PRXL2A: variants seen among roughly 807,000 people sequenced by gnomAD.
The protein encoded by PRXL2A is peroxiredoxin-like 2A.
In PRXL2A, 26 loss-of-function variants were observed where a neutral mutation model predicts 25.6. The ratio of observed to expected loss-of-function variants is 1.02; its 90% confidence interval spans 0.74 to 1.41. The LOEUF is 1.41. PRXL2A is among the 40% of genes most tolerant of loss of function. The pLI, the probability that PRXL2A is intolerant of heterozygous loss-of-function variation, is 0.00. For synonymous variants in PRXL2A, 98 were observed against 102.9 expected, an observed-to-expected ratio of 0.95 and a Z score of 0.29; for missense variants, 246 against 273.9, an observed-to-expected ratio of 0.90 and a Z score of 0.72.
At chr10:80,409,117 G>C (rs903646963) in intron 1 of PRXL2A, 1 of 977,632 alleles carries the variant, frequency 1.0e-6, no homozygotes, top group African/African-American at 1.8e-5. Context: ...GCTTAGGGTC[G>C]TGTCTTTTAA....
rs1369229047 is a variant in PRXL2A at position 80,434,699 on chromosome 10, G to A, written c.*2600G>A. The A allele has an allele frequency of 6.6e-6, 1 of 151,982 alleles. No homozygotes were observed. The highest frequency in any genetic ancestry group is 2.4e-5 in the African/African-American group (1 of 41,370). 9.4% of individuals were successfully genotyped at this position (151,982 alleles called of 1,614,324 possible). Reference sequence around the variant, plus strand: ...GTAAGGAGATTGGTCAATGTGATTCGGCTATCTGTGTCTACTAACTCTCAA... The same window carrying A: ...GTAAGGAGATTGGTCAATGTGATTCAGCTATCTGTGTCTACTAACTCTCAA... On this transcript the variant is annotated 3_prime_UTR_variant, in exon 6 of 6. Coordinates refer to ENST00000606162, the MANE Select transcript of PRXL2A (RefSeq NM_032333.5).
chr10:80,418,134 A>G (rs772502775), intron 1 of PRXL2A, among the ~76,000 whole-genome samples: 2 of 151,896 alleles, frequency 1.3e-5, no homozygotes, highest in African/African-American at 2.4e-5. Context: ...CCGTTATCCA[A>G]TAGTGACCCT....
In PRXL2A at chr10:80,431,986, G is replaced by A; in HGVS notation, c.577G>A (p.Gly193Ser). ...GVFVVGSGKQ[G>S]ILLEHREKEF... is the part of the protein sequence containing the mutation. The stretch of plus-strand genomic sequence containing the variant: ...GACATTATCTCTTGTTTCCTTTTAG[G>A]GCATTCTTCTTGAGCACCGAGAAAA... Residue 193 changes from glycine (G) to serine (S), a missense_variant and splice_region_variant, in exon 6 of 6, where the codon GGC becomes AGC. By Grantham distance (56) the Gly-to-Ser change is moderately conservative. Transcript: ENST00000606162. 6.2e-7 allele frequency: 1 copy of A among 1,603,094 alleles called. No individual in the cohort carries two copies. Among genetic ancestry groups the A allele is most frequent in the South Asian group, 1.1e-5 (1 of 90,720 alleles).
At chr10:80,423,174 T>C (rs1383772663) in intron 3 of PRXL2A, among the ~76,000 whole-genome samples, 1 of 152,204 alleles carries the variant, frequency 6.6e-6, no homozygotes, top group Non-Finnish European at 1.5e-5. Flanking sequence ...AGGGAAGACA[T>C]CATCTATTTG....
rs575497851 is a variant in PRXL2A at position 80,428,525 on chromosome 10, C to T, written c.576+1029C>T. ...CTAAAGAAAAGCTTAAAAAATTAGC[C>T]GGGTGTAGTGGTGCGCACCCATAGT... On this transcript the variant is annotated intron_variant, in intron 5 of 5. Transcript: ENST00000606162. Among the ~76,000 whole-genome samples, 8 of 152,266 alleles carry T rather than the reference C, an allele frequency of 5.3e-5. No homozygotes were observed. The East Asian group carries it at 7.7e-4, about 15-fold the overall frequency.
chr10:80,431,093 T>C (rs548320672), intron 5 of PRXL2A, among the ~76,000 whole-genome samples: 1 of 152,310 alleles, frequency 6.6e-6, no homozygotes, highest in African/African-American at 2.4e-5. Flanking sequence ...AGACCGAGTT[T>C]CACCGTGTTG....
rs1845296944 is a variant in PRXL2A, at chr10:80,432,456, C to G, written c.*357C>G. ...GGGAGTTCGAGACCAGCCTGAGCAA[C>G]ATGGCGAAACCCCGTCTCTACTAAA... On this transcript the variant is annotated 3_prime_UTR_variant, in exon 6 of 6. Coordinates refer to ENST00000606162, the MANE Select transcript of PRXL2A (RefSeq NM_032333.5). 5.8e-6 allele frequency: 1 copy of G among 171,488 alleles called. No homozygotes were observed. The highest frequency in any genetic ancestry group is 1.2e-5 in the Non-Finnish European group (1 of 81,456). 10.6% of individuals were successfully genotyped at this position (171,488 alleles called of 1,614,324 possible).
chr10:80,429,494 C>T (rs1256110964), intron 5 of PRXL2A, among the ~76,000 whole-genome samples: 1 of 152,052 alleles, frequency 6.6e-6, no homozygotes, highest in Non-Finnish European at 1.5e-5. Flanking sequence ...CTTAGGAACT[C>T]AAATCTGTCA....
chr10:80,425,001 C>T (rs1844996934), intron 3 of PRXL2A, among the ~76,000 whole-genome samples: 1 of 152,166 alleles, frequency 6.6e-6, no homozygotes, highest in Non-Finnish European at 1.5e-5. Context: ...ATCAATTCTG[C>T]CTCATTAGTT....
chr10:80,420,494 C>T lies in PRXL2A; in HGVS notation c.27C>T (p.Phe9=), dbSNP rs964823170. ...TGTCTTTCCTCCAGGACCCAAGTTT[C>T]TTCACCATGGGGATGTGGTCCATTG... is the stretch of plus-strand genomic sequence containing the variant. MSFLQDPS[F]FTMGMWSIGA... The change falls in exon 2 of 6, where the codon TTC becomes TTT. Residue 9 remains phenylalanine, a synonymous_variant. Transcript: ENST00000606162. 1 of 1,600,098 alleles carries T rather than the reference C, an allele frequency of 6.2e-7. No homozygotes were observed. Among genetic ancestry groups the T allele is most frequent in the Admixed American group, 1.7e-5 (1 of 58,256 alleles).
At chr10:80,424,140 C>T (rs182606019) in intron 3 of PRXL2A, among the ~76,000 whole-genome samples, 231 of 152,158 alleles carry the variant, frequency 1.5e-3, no homozygotes, top group Middle Eastern at 3.4e-3. Flanking sequence ...TGGAAACTTA[C>T]GTTTCCAAAA....
chr10:80,428,059 G>A (rs1203687697), intron 5 of PRXL2A, among the ~76,000 whole-genome samples: 2 of 152,216 alleles, frequency 1.3e-5, no homozygotes, highest in Non-Finnish European at 2.9e-5. Context: ...TAGGGGAAGT[G>A]GCAAGGAGGT....
In PRXL2A at chr10:80,419,294, CTTTCTTTTTTTTTT is replaced by C. The variant is rs1370164429; in HGVS notation, c.-2-1155_-2-1142del. On this transcript the variant is annotated intron_variant, in intron 1 of 5. Coordinates refer to ENST00000606162, the MANE Select transcript of PRXL2A (RefSeq NM_032333.5). ...CCACCGTGCCCTGCCAGGACTTCCT[CTTTCTTTTTTTTTT>C]TTTCTTTTTTTTTTTTGAGACGGAG... 6.2e-4 allele frequency among the ~76,000 whole-genome samples: 81 copies of C among 129,708 alleles called. No individual in the cohort carries two copies. The East Asian group carries it at 0.014, about 22-fold the overall frequency. The allele number at this position is 129,708 out of a possible 152,430, so 85.1% of individuals were successfully genotyped here. A position where few individuals can be genotyped will look rare whatever the true frequency, so the allele number is the denominator to read the frequency against.
At chr10:80,430,874 GT>G (rs1381470714) in intron 5 of PRXL2A, among the ~76,000 whole-genome samples, 1 of 152,042 alleles carries the variant, frequency 6.6e-6, no homozygotes, top group African/African-American at 2.4e-5. Flanking sequence ...TATATTGTTA[GT>G]TTTTTGTTCG....
At position 80,429,093 on chromosome 10, in the gene PRXL2A, A is replaced by G. The variant is rs545232486; in HGVS notation, c.576+1597A>G. ...ATTTTTTTGTATTTTCAGTAGAGAC[A>G]GGGTTTCTACTCATGATCTGCCCGC... On this transcript the variant is annotated intron_variant, in intron 5 of 5. Coordinates refer to ENST00000606162, the MANE Select transcript of PRXL2A (RefSeq NM_032333.5). Among the ~76,000 whole-genome samples, 15 of 151,674 alleles carry G rather than the reference A, an allele frequency of 9.9e-5. No homozygotes were observed. The East Asian group carries it at 2.7e-3, about 27-fold the overall frequency.
intron 1 of PRXL2A, among the ~76,000 whole-genome samples, chr10:80,414,374 C>G (rs1343787215): frequency 6.6e-6 from 1 of 152,092 alleles, no homozygotes. Context: ...GAAACTGACC[C>G]TTTCCTTAAT....
chr10:80,428,449 A>G (rs1457290666), intron 5 of PRXL2A, among the ~76,000 whole-genome samples: 1 of 152,212 alleles, frequency 6.6e-6, no homozygotes, highest in Non-Finnish European at 1.5e-5. Flanking sequence ...ACTTGAGGCC[A>G]GGAGTTCCAG....
At chr10:80,418,192 C>A (rs1270174025) in intron 1 of PRXL2A, among the ~76,000 whole-genome samples, 1 of 151,958 alleles carries the variant, frequency 6.6e-6, no homozygotes, top group Non-Finnish European at 1.5e-5. Context: ...TTCAGCTGTC[C>A]CCAGTGTCTG....
chr10:80,430,301 C>T (rs1426794435), intron 5 of PRXL2A, among the ~76,000 whole-genome samples: 1 of 152,022 alleles, frequency 6.6e-6, no homozygotes, highest in Non-Finnish European at 1.5e-5. Flanking sequence ...AGGGTGTCAC[C>T]ATGTTGGCCA....
Sources: gnomAD v4.1 joint callset for allele counts (sites outside exome capture counted in the v4.1 genomes callset) on GRCh38, gnomAD v4.1.1 for gene constraint, MANE v1.5 for transcripts, NCBI Gene and HGNC (gene_info 2026-07-23, HGNC 2026-07-21) for gene names.